LEKR1: variants seen among roughly 807,000 people sequenced by gnomAD.
LEKR1 encodes the protein protein LEKR1.
LEKR1 carries 59 observed loss-of-function variants against 72.4 expected under a neutral mutation model. The ratio of observed to expected loss-of-function variants is 0.82; its 90% confidence interval spans 0.66 to 1.01. The LOEUF is 1.01. Among genes scored for constraint, LEKR1 ranks in the 50% least tolerant of loss-of-function variants. The pLI, the probability that LEKR1 is intolerant of heterozygous loss-of-function variation, is 0.00. For missense variants in LEKR1, 728 were observed against 759.2 expected, an observed-to-expected ratio of 0.96 and a Z score of 0.48; for synonymous variants, 257 against 263.2, an observed-to-expected ratio of 0.98 and a Z score of 0.23.
rs1449652678 is a variant in LEKR1 at position 157,028,368 on chromosome 3, A to C, written c.1634A>C (p.Gln545Pro). The change falls in exon 12 of 13, where the codon CAA becomes CCA. Residue 545 changes from glutamine to proline, a missense_variant. Gln to Pro is a moderately conservative substitution (Grantham distance 76). Coordinates refer to ENST00000356539, the MANE Select transcript of LEKR1 (RefSeq NM_001004316.3). ...ELKRVMLAQTQLIEQFNQSQE... is the reference protein window; with the variant it reads ...ELKRVMLAQTPLIEQFNQSQE... ...AAAAGAGTAATGCTGGCTCAAACAC[A>C]ACTGATAGAGCAATTTAACCAGTCC... The C allele has an allele frequency of 6.2e-7, 1 of 1,610,374 alleles. No individual in the cohort carries two copies. Among genetic ancestry groups the C allele is most frequent in the Non-Finnish European group, 8.5e-7 (1 of 1,178,330 alleles).
chr3:156,979,129 A>C, intron 6 of LEKR1, 65 bp from the exon 7 acceptor site: 4 of 695,976 alleles, frequency 5.7e-6, no homozygotes, highest in Non-Finnish European at 6.7e-6. Flanking sequence ...AATATGGTTT[A>C]CTCTATGAAA....
At chr3:157,020,171 C>T (rs1362770643) in intron 10 of LEKR1, among the ~76,000 whole-genome samples, 1 of 151,870 alleles carries the variant, frequency 6.6e-6, no homozygotes, top group African/African-American at 2.4e-5. Flanking sequence ...ACAGAACATT[C>T]AGCTCATTCA....
At chr3:157,013,036 C>T (rs1482861) in intron 10 of LEKR1, among the ~76,000 whole-genome samples, 2 of 151,996 alleles carry the variant, frequency 1.3e-5, no homozygotes, top group African/African-American at 2.4e-5. Context: ...CTAGTGAGAT[C>T]GTCTCTCATA....
At chr3:156,963,444 T>C (rs1203468264) in intron 6 of LEKR1, among the ~76,000 whole-genome samples, 1 of 152,196 alleles carries the variant, frequency 6.6e-6, no homozygotes, top group Admixed American at 6.6e-5. Flanking sequence ...ATTTATGGGC[T>C]GACAGCATAT....
intron 9 of LEKR1, among the ~76,000 whole-genome samples, chr3:157,004,838 G>T (rs1439311876): frequency 2.0e-5 from 3 of 151,900 alleles, no homozygotes; most frequent in African/African-American, 7.2e-5. Flanking sequence ...AGGGACAAAT[G>T]TCTATGTGAA....
intron 6 of LEKR1, among the ~76,000 whole-genome samples, chr3:156,974,861 TC>T (rs1208558839): frequency 1.3e-5 from 2 of 152,102 alleles, no homozygotes; most frequent in Admixed American, 1.3e-4. Context: ...AATTAACACT[TC>T]CATTTTTACT....
chr3:156,932,002 T>C (rs1042444920), intron 5 of LEKR1, among the ~76,000 whole-genome samples: 7 of 152,158 alleles, frequency 4.6e-5, no homozygotes, highest in African/African-American at 1.4e-4. Flanking sequence ...AAAAGAAATA[T>C]ATGCAAATGT....
At chr3:156,855,325 T>G (rs1001938335) in intron 3 of LEKR1, among the ~76,000 whole-genome samples, 2 of 152,210 alleles carry the variant, frequency 1.3e-5, no homozygotes, top group African/African-American at 4.8e-5. Flanking sequence ...TTTCTTAATT[T>G]TTTTCAATCT....
At position 157,044,429 on chromosome 3, in the gene LEKR1, C is replaced by T. The variant is rs568611855; in HGVS notation, c.1669-911C>T. Among the ~76,000 whole-genome samples the T allele has an allele frequency of 6.6e-5, 10 of 152,154 alleles. No homozygotes were observed. In the South Asian group the frequency reaches 1.9e-3, roughly 28 times the overall value. Reference sequence around the variant, plus strand: ...CTAGAAATGCAGAATTTCAGAATTTCGAAGAGACTTAATTATCTCTAGTCC... The same window carrying T: ...CTAGAAATGCAGAATTTCAGAATTTTGAAGAGACTTAATTATCTCTAGTCC... On this transcript the variant is annotated intron_variant, in intron 12 of 12. Coordinates refer to ENST00000356539, the MANE Select transcript of LEKR1 (RefSeq NM_001004316.3).
intron 10 of LEKR1, among the ~76,000 whole-genome samples, chr3:157,022,756 T>C (rs768934649): frequency 4.6e-5 from 7 of 152,184 alleles, no homozygotes; most frequent in Non-Finnish European, 8.8e-5. Context: ...TCTTTTTTTC[T>C]GAGTGCCCCC....
At chr3:157,043,347 T>C (rs1159617556) in intron 12 of LEKR1, among the ~76,000 whole-genome samples, 2 of 152,062 alleles carry the variant, frequency 1.3e-5, no homozygotes, top group Non-Finnish European at 2.9e-5. Context: ...ACTCTACTAG[T>C]AGGCAAAAAA....
chr3:156,945,082 A>G (rs1269523950), intron 6 of LEKR1, among the ~76,000 whole-genome samples: 2 of 151,432 alleles, frequency 1.3e-5, no homozygotes, highest in Non-Finnish European at 1.5e-5. Flanking sequence ...CAGAATTTCT[A>G]TTTTCTGTCA....
chr3:156,978,298 G>A (rs187189723), intron 6 of LEKR1, among the ~76,000 whole-genome samples: 167 of 152,270 alleles, frequency 1.1e-3, no homozygotes, highest in African/African-American at 3.7e-3. Context: ...TTATATGGAT[G>A]CATAAAGATT....
At chr3:156,882,683 T>C (rs60636795) in intron 3 of LEKR1, among the ~76,000 whole-genome samples, 132,111 of 152,134 alleles carry the variant, frequency 0.87, 57,679 homozygotes, top group African/African-American at 0.96. Context: ...AATCATGCTG[T>C]TATAAAGACA....
intron 3 of LEKR1, among the ~76,000 whole-genome samples, chr3:156,877,539 A>G (rs1475635555): frequency 6.6e-6 from 1 of 151,936 alleles, no homozygotes; most frequent in East Asian, 1.9e-4. Flanking sequence ...TCCTAATTTA[A>G]TTTGAGAGGG....
At chr3:156,869,894 G>A (rs999673323) in intron 3 of LEKR1, among the ~76,000 whole-genome samples, 2 of 151,950 alleles carry the variant, frequency 1.3e-5, no homozygotes. Context: ...TATGGTGAGA[G>A]AGGGGTCCAA....
At chr3:156,828,587 T>TAA (rs995113695) in intron 1 of LEKR1, among the ~76,000 whole-genome samples, 1 of 145,884 alleles carries the variant, frequency 6.9e-6, no homozygotes, top group Non-Finnish European at 1.5e-5. Flanking sequence ...GGGAAGGATT[T>TAA]AAAAAAAAAA....
chr3:156,993,125 G>T lies in LEKR1; in HGVS notation c.957G>T (p.Gln319His), dbSNP rs375717532. Residue 319 changes from glutamine to histidine, a missense_variant, in exon 9 of 13, where the codon CAG becomes CAT. By Grantham distance (24) the Gln-to-His change is conservative (BLOSUM62 0). Transcript: ENST00000356539. Reference protein sequence around the residue: ...EKEDSLMTCQQIYKALQEELT... With the variant: ...EKEDSLMTCQHIYKALQEELT... ...AAGACTCTTTAATGACTTGTCAACA[G>T]ATATATAAAGCATTACAGGAAGAGC... 6.2e-7 allele frequency: 1 copy of T among 1,611,750 alleles called. No individual in the cohort carries two copies. Among genetic ancestry groups the T allele is most frequent in the Admixed American group, 1.7e-5 (1 of 59,602 alleles).
intron 9 of LEKR1, among the ~76,000 whole-genome samples, chr3:157,006,180 T>TG (rs1732417148): frequency 3.3e-5 from 5 of 151,040 alleles, no homozygotes; most frequent in Admixed American, 3.3e-4. Flanking sequence ...TAATTTTTTG[T>TG]ATTTTTAGTA....
Sources: allele counts gnomAD v4.1 joint callset (sites outside exome capture counted in the v4.1 genomes callset), GRCh38; gene constraint gnomAD v4.1.1; transcripts MANE v1.5; gene names NCBI Gene and HGNC (gene_info 2026-07-23, HGNC 2026-07-21).